Variants in MCCC2 observed in about 807,000 individuals in gnomAD.
The protein encoded by MCCC2 is methylcrotonoyl-CoA carboxylase beta chain, mitochondrial.
In MCCC2, 52 loss-of-function variants were observed where a neutral mutation model predicts 77.2. That is an observed-to-expected ratio of 0.67 (90% CI 0.54 to 0.85). The LOEUF is 0.85. Among genes scored for constraint, MCCC2 ranks in the 40% least tolerant of loss-of-function variants. The probability of loss-of-function intolerance (pLI) is 0.00; values close to 1 mark genes in which losing one functional copy is unlikely to be tolerated. For synonymous variants in MCCC2, 253 were observed against 248.4 expected (o/e 1.02, Z -0.18); for missense variants, 682 against 703.2 (o/e 0.97, Z 0.34).
At chr5:71,592,089 T>C (rs751182899) in intron 1 of MCCC2, among the ~76,000 whole-genome samples, 7 of 152,072 alleles carry the variant, frequency 4.6e-5, no homozygotes, top group Non-Finnish European at 1.0e-4. Flanking sequence ...AAACATAAAA[T>C]AGGATCCTTG....
intron 11 of MCCC2, among the ~76,000 whole-genome samples, chr5:71,642,298 G>T (rs1747143076): frequency 6.6e-6 from 1 of 152,144 alleles, no homozygotes; most frequent in African/African-American, 2.4e-5. Flanking sequence ...GAGAAGGTGG[G>T]AGGCATAAAG....
chr5:71,599,739 C>T lies in MCCC2; in HGVS notation c.362C>T (p.Thr121Ile). 2 of 1,613,948 alleles carry T rather than the reference C, an allele frequency of 1.2e-6. No individual in the cohort carries two copies. The highest frequency in any genetic ancestry group is 1.7e-6 in the Non-Finnish European group (2 of 1,179,790). The change falls in exon 4 of 17, where the codon ACA (threonine) becomes ATA (isoleucine). Residue 121 changes from threonine to isoleucine, a missense_variant. Coordinates refer to ENST00000340941, the MANE Select transcript of MCCC2 (RefSeq NM_022132.5). ...NEEVPGGGII[T>I]GIGRVSGVEC... ...GAGGTGCCAGGAGGTGGCATTATTA[C>T]AGGCATTGGAAGAGTATCAGGGTGA...
rs1561851491 is a variant in MCCC2, at chr5:71,657,868, G to C, written c.*1008G>C. ...ACGGTTCTTAACCCAGCTCTCCCCT[G>C]AGCTGCAGGCCTGCATATCCAGTAG... On this transcript the variant is annotated 3_prime_UTR_variant, in exon 17 of 17. Transcript: ENST00000340941. The C allele has an allele frequency of 6.6e-6, 1 of 152,116 alleles. No individual in the cohort carries two copies. Among genetic ancestry groups the C allele is most frequent in the Non-Finnish European group, 1.5e-5 (1 of 68,032 alleles). The allele number at this position is 152,116 out of a possible 1,614,324, so 9.4% of individuals were successfully genotyped here. A position where few individuals can be genotyped will look rare whatever the true frequency, so the allele number is the denominator to read the frequency against.
At chr5:71,634,656 G>C (rs1746854346) in intron 8 of MCCC2, among the ~76,000 whole-genome samples, 3 of 152,190 alleles carry the variant, frequency 2.0e-5, no homozygotes, top group Admixed American at 1.3e-4. Flanking sequence ...GTTAAGGTTA[G>C]AAAATAGAAG....
intron 11 of MCCC2, among the ~76,000 whole-genome samples, chr5:71,642,433 C>T (rs1365152995): frequency 1.3e-5 from 2 of 152,196 alleles, no homozygotes; most frequent in East Asian, 3.9e-4. Flanking sequence ...GGACACTGTG[C>T]TTTCCCGTTT....
intron 11 of MCCC2, among the ~76,000 whole-genome samples, chr5:71,642,199 A>G (rs1469323055): frequency 6.9e-6 from 1 of 144,362 alleles, no homozygotes; most frequent in Non-Finnish European, 1.5e-5. Flanking sequence ...TTAGGGACAG[A>G]GAAGGGGAGT....
At chr5:71,606,094 T>A (rs1465317718) in intron 6 of MCCC2, among the ~76,000 whole-genome samples, 2 of 152,108 alleles carry the variant, frequency 1.3e-5, no homozygotes, top group African/African-American at 2.4e-5. Context: ...TAAAGTAGTT[T>A]TTTCCAATTC....
intron 1 of MCCC2, among the ~76,000 whole-genome samples, chr5:71,590,941 C>G (rs147272361): frequency 6.6e-6 from 1 of 151,798 alleles, no homozygotes; most frequent in South Asian, 2.1e-4. Context: ...AAGTTACATA[C>G]TTTTTTCTGC....
At chr5:71,627,995 C>T (rs1453110773) in intron 7 of MCCC2, among the ~76,000 whole-genome samples, 2 of 152,108 alleles carry the variant, frequency 1.3e-5, no homozygotes, top group Admixed American at 6.5e-5. Context: ...AGGTGCACGC[C>T]ACCACTCCCG....
intron 6 of MCCC2, among the ~76,000 whole-genome samples, chr5:71,608,752 A>C (rs1745794152): frequency 1.3e-5 from 2 of 151,938 alleles, no homozygotes; most frequent in African/African-American, 4.8e-5. Context: ...TTCCTTTTTT[A>C]GGGCAGGCCT....
chr5:71,641,130 G>C, intron 11 of MCCC2, 55 bp downstream of exon 11: 1 of 1,505,548 alleles, frequency 6.6e-7, no homozygotes, highest in Non-Finnish European at 9.2e-7. Context: ...TGAAAATCAG[G>C]AATCTCTTGT....
rs114761292 is a variant in MCCC2 at position 71,620,801 on chromosome 5, C to T, written c.625-5839C>T. On this transcript the variant is annotated intron_variant, in intron 6 of 16. Coordinates refer to ENST00000340941, the MANE Select transcript of MCCC2 (RefSeq NM_022132.5). Reference sequence around the variant, plus strand: ...AGTATTGTTACTGTCAGGTATGTCTCATCCTCATCCTTCTTGCACGTTCTT... The same window carrying T: ...AGTATTGTTACTGTCAGGTATGTCTTATCCTCATCCTTCTTGCACGTTCTT... 9.6e-4 allele frequency among the ~76,000 whole-genome samples: 146 copies of T among 152,312 alleles called. 1 individual carries two copies. Among genetic ancestry groups the T allele is most frequent in the African/African-American group, 3.3e-3 (139 of 41,572 alleles).
intron 15 of MCCC2, among the ~76,000 whole-genome samples, chr5:71,651,410 T>G (rs1747434187): frequency 6.6e-6 from 1 of 152,234 alleles, no homozygotes; most frequent in Non-Finnish European, 1.5e-5. Flanking sequence ...TGTTGGAGAT[T>G]GTTTGAAATT....
intron 15 of MCCC2, among the ~76,000 whole-genome samples, chr5:71,652,056 C>G (rs879420469): frequency 6.6e-6 from 1 of 152,072 alleles, no homozygotes; most frequent in Non-Finnish European, 1.5e-5. Flanking sequence ...TTTCTGCTGT[C>G]GAGTTGCTTT....
intron 6 of MCCC2, among the ~76,000 whole-genome samples, chr5:71,605,124 A>C (rs1745619522): frequency 1.3e-5 from 1 of 77,256 alleles, no homozygotes. Flanking sequence ...GTCAAATGGT[A>C]TTTCTAGTTC....
intron 3 of MCCC2, 25 bp downstream of exon 3, chr5:71,596,389 T>A: frequency 6.4e-7 from 1 of 1,568,812 alleles, no homozygotes; most frequent in Non-Finnish European, 8.8e-7. Context: ...AAGTACTGAC[T>A]CAGAGTGTTC....
At chr5:71,612,601 T>TC (rs1182195734) in intron 6 of MCCC2, among the ~76,000 whole-genome samples, 1 of 152,096 alleles carries the variant, frequency 6.6e-6, no homozygotes, top group African/African-American at 2.4e-5. Context: ...CAAGGATCCT[T>TC]CTGCCTTAGC....
At chr5:71,610,008 C>G (rs1252082396) in intron 6 of MCCC2, among the ~76,000 whole-genome samples, 1 of 152,236 alleles carries the variant, frequency 6.6e-6, no homozygotes, top group East Asian at 1.9e-4. Context: ...GCAGAGGTTA[C>G]TGCTGTCTTT....
At chr5:71,606,129 G>C (rs62361818) in intron 6 of MCCC2, among the ~76,000 whole-genome samples, 1 of 151,248 alleles carries the variant, frequency 6.6e-6, no homozygotes, top group Non-Finnish European at 1.5e-5. Context: ...TTGGTAGCTT[G>C]ATGGGGATGG....
Sources: gnomAD v4.1 joint callset for allele counts (sites outside exome capture counted in the v4.1 genomes callset) on GRCh38, gnomAD v4.1.1 for gene constraint, MANE v1.5 for transcripts, NCBI Gene and HGNC (gene_info 2026-07-23, HGNC 2026-07-21) for gene names.